The following DPP10 variants were observed in gnomAD, a reference collection of about 807,000 sequenced individuals.
The protein encoded by DPP10 is dipeptidyl peptidase like 10, also known as inactive dipeptidyl peptidase 10.
A neutral mutation model predicts 120.9 loss-of-function variants in DPP10; 33 were observed. That is an observed-to-expected ratio of 0.27 (90% CI 0.21 to 0.37). The LOEUF is 0.37. Among genes scored for constraint, DPP10 ranks in the 10% least tolerant of loss-of-function variants. The pLI, the probability that DPP10 is intolerant of heterozygous loss-of-function variation, is 1.00. For missense variants in DPP10, 816 were observed against 942.8 expected (o/e 0.87, Z 1.76); for synonymous variants, 337 against 326.1 (o/e 1.03, Z -0.36).
At chr2:114,733,081 A>C (rs1251262371) in intron 1 of DPP10, among the ~76,000 whole-genome samples, 2 of 152,218 alleles carry the variant, frequency 1.3e-5, no homozygotes, top group African/African-American at 4.8e-5. Context: ...TTGCAGAGCG[A>C]GAAAGGGCAG....
chr2:114,646,209 G>A (rs1049945840), intron 1 of DPP10, among the ~76,000 whole-genome samples: 1 of 141,048 alleles, frequency 7.1e-6, no homozygotes. Context: ...AAGGGGGAGA[G>A]GGGATCAAAA....
At chr2:115,695,969 C>T (rs2091564654) in intron 7 of DPP10, among the ~76,000 whole-genome samples, 1 of 151,972 alleles carries the variant, frequency 6.6e-6, no homozygotes, top group Non-Finnish European at 1.5e-5. Context: ...ACTGAAATAA[C>T]AGTTTTACTA....
At chr2:115,331,453 C>A (rs540281256) in intron 2 of DPP10, among the ~76,000 whole-genome samples, 1 of 152,162 alleles carries the variant, frequency 6.6e-6, no homozygotes, top group Non-Finnish European at 1.5e-5. Flanking sequence ...GAACTTCCAG[C>A]ACTATGTTGA....
chr2:115,207,416 C>CAAAAAAAAAAAAAA (rs57462947), intron 1 of DPP10, among the ~76,000 whole-genome samples: 9 of 52,302 alleles, frequency 1.7e-4, no homozygotes, highest in African/African-American at 5.9e-4. Context: ...CTTACTGCAC[C>CAAAAAAAAAAAAAA]AAAAAAAAAA....
chr2:115,038,458 T>A (rs886251522), intron 1 of DPP10, among the ~76,000 whole-genome samples: 1 of 151,728 alleles, frequency 6.6e-6, no homozygotes, highest in Non-Finnish European at 1.5e-5. Context: ...AACAGATTTT[T>A]GGTAGAGAAG....
intron 1 of DPP10, among the ~76,000 whole-genome samples, chr2:114,573,651 C>G (rs1476395450): frequency 6.6e-6 from 1 of 152,152 alleles, no homozygotes; most frequent in Non-Finnish European, 1.5e-5. Context: ...TCACCTAGTT[C>G]CTGAGTTCTA....
chr2:114,929,104 A>G (rs533774927), intron 1 of DPP10, among the ~76,000 whole-genome samples: 2 of 152,286 alleles, frequency 1.3e-5, no homozygotes, highest in East Asian at 3.9e-4. Context: ...CCACAAAACC[A>G]GCAAGTTTTT....
At chr2:115,616,854 C>T (rs996688673) in intron 5 of DPP10, among the ~76,000 whole-genome samples, 2 of 151,980 alleles carry the variant, frequency 1.3e-5, no homozygotes, top group African/African-American at 2.4e-5. Flanking sequence ...GTTCAACCAC[C>T]GTCTCATGCT....
intron 1 of DPP10, among the ~76,000 whole-genome samples, chr2:114,517,943 G>T (rs183203307): frequency 6.6e-6 from 1 of 152,022 alleles, no homozygotes; most frequent in East Asian, 1.9e-4. Flanking sequence ...TTTCGTCTTC[G>T]TCTTCTGCAC....
intron 1 of DPP10, among the ~76,000 whole-genome samples, chr2:115,174,229 C>G (rs1454989988): frequency 6.6e-6 from 1 of 152,170 alleles, no homozygotes; most frequent in East Asian, 1.9e-4. Flanking sequence ...CGTTCCAGAT[C>G]AGACATGAAG....
chr2:115,472,570 T>C (rs2105189737), intron 3 of DPP10, among the ~76,000 whole-genome samples: 1 of 152,326 alleles, frequency 6.6e-6, no homozygotes, highest in South Asian at 2.1e-4. Flanking sequence ...CTAGAACACA[T>C]GTGCCTAATT....
intron 1 of DPP10, among the ~76,000 whole-genome samples, chr2:114,672,705 T>C (rs1399601659): frequency 6.6e-6 from 1 of 152,154 alleles, no homozygotes; most frequent in African/African-American, 2.4e-5. Context: ...AAAATTATCA[T>C]GGGGATTCGT....
At chr2:114,999,283 G>C (rs1226196113) in intron 1 of DPP10, among the ~76,000 whole-genome samples, 1 of 152,122 alleles carries the variant, frequency 6.6e-6, no homozygotes, top group Non-Finnish European at 1.5e-5. Context: ...TAGGCAAAGA[G>C]AGAGGTTTCA....
At chr2:115,301,516 C>T (rs930392890) in intron 1 of DPP10, among the ~76,000 whole-genome samples, 4 of 147,208 alleles carry the variant, frequency 2.7e-5, no homozygotes, top group Admixed American at 6.9e-5. Context: ...CAAGGTGGCG[C>T]AAGCACAAGC....
At chr2:115,099,798 C>A (rs535447374) in intron 1 of DPP10, among the ~76,000 whole-genome samples, 2 of 152,270 alleles carry the variant, frequency 1.3e-5, no homozygotes, top group African/African-American at 4.8e-5. Flanking sequence ...TTACAAGGAT[C>A]TTCTTTTGCT....
intron 3 of DPP10, among the ~76,000 whole-genome samples, chr2:115,482,139 G>A (rs373631455): frequency 4.0e-5 from 6 of 151,624 alleles, no homozygotes; most frequent in South Asian, 2.1e-4. Context: ...AGTTGTTTCC[G>A]TTTTGGTCAT....
At chr2:115,645,542 G>C (rs952930632) in intron 5 of DPP10, among the ~76,000 whole-genome samples, 5 of 152,002 alleles carry the variant, frequency 3.3e-5, no homozygotes, top group African/African-American at 1.2e-4. Flanking sequence ...GTAATAATTT[G>C]AGTTATGAAT....
intron 1 of DPP10, among the ~76,000 whole-genome samples, chr2:114,591,212 A>G (rs1691433824): frequency 1.3e-5 from 2 of 152,342 alleles, no homozygotes; most frequent in African/African-American, 4.8e-5. Context: ...TGAACCTTCT[A>G]GGTCAAACTG....
intron 1 of DPP10, among the ~76,000 whole-genome samples, chr2:114,597,577 T>A (rs1189127726): frequency 6.6e-6 from 1 of 152,012 alleles, no homozygotes; most frequent in African/African-American, 2.4e-5. Context: ...GGTAAAGATC[T>A]TCCATCTGTC....
Sources: gnomAD v4.1 joint callset for allele counts (sites outside exome capture counted in the v4.1 genomes callset) on GRCh38, gnomAD v4.1.1 for gene constraint, MANE v1.5 for transcripts, NCBI Gene and HGNC (gene_info 2026-07-23, HGNC 2026-07-21) for gene names.